ZFAND3: variants seen among roughly 807,000 people sequenced by gnomAD.
ZFAND3 encodes the protein zinc finger AN1-type containing 3.
In ZFAND3, 10 loss-of-function variants were observed where a neutral mutation model predicts 29.6. That is an observed-to-expected ratio of 0.34 (90% CI 0.21 to 0.57). The LOEUF (loss-of-function observed/expected upper bound fraction) is 0.57, where lower values mean the gene tolerates loss of function less well. Ranked by LOEUF, ZFAND3 falls within the 20% of genes least tolerant of loss-of-function variation. ZFAND3 has a pLI of 0.86. For missense variants in ZFAND3, 230 were observed against 304.5 expected (o/e 0.76, Z 1.82); for synonymous variants, 128 against 112.6 (o/e 1.14, Z -0.87).
At chr6:37,853,224 T>C (rs1423864849) in intron 1 of ZFAND3, among the ~76,000 whole-genome samples, 2 of 151,868 alleles carry the variant, frequency 1.3e-5, no homozygotes, top group Admixed American at 6.6e-5. Flanking sequence ...TCAGTGACAC[T>C]GGTAGGATGG....
intron 2 of ZFAND3, among the ~76,000 whole-genome samples, chr6:37,982,645 A>G (rs919208764): frequency 2.0e-5 from 3 of 152,226 alleles, no homozygotes; most frequent in Non-Finnish European, 2.9e-5. Flanking sequence ...TAGCCAGTAC[A>G]ATTATGTACA....
chr6:38,030,078 A>G lies in ZFAND3; in HGVS notation c.113-31515A>G, dbSNP rs1410646057. Among the ~76,000 whole-genome samples, 4 of 53,158 alleles carry G rather than the reference A, an allele frequency of 7.5e-5. No homozygotes were observed. The South Asian group carries it at 1.8e-3, about 24-fold the overall frequency. 34.9% of individuals were successfully genotyped at this position (53,158 alleles called of 152,430 possible). A position where few individuals can be genotyped will look rare whatever the true frequency, so the allele number is the denominator to read the frequency against. On this transcript the variant is annotated intron_variant, in intron 2 of 5. Coordinates refer to ENST00000287218, the MANE Select transcript of ZFAND3 (RefSeq NM_021943.3). ...TATATATATATATATATATATATATATATATATATATATATATATATATAG... is the reference window on the plus strand; with the variant it reads ...TATATATATATATATATATATATATGTATATATATATATATATATATATAG...
In ZFAND3 at chr6:38,110,165, A is replaced by G. The variant is rs565157137; in HGVS notation, c.362-6407A>G. On this transcript the variant is annotated intron_variant, in intron 4 of 5. Transcript: ENST00000287218. ...AATGAAGATGATGGCATTCTCCACAAAATTTTAATAATCAGCCTCTTGAAC... is the reference window on the plus strand; with the variant it reads ...AATGAAGATGATGGCATTCTCCACAGAATTTTAATAATCAGCCTCTTGAAC... Among the ~76,000 whole-genome samples the G allele has an allele frequency of 2.6e-5, 4 of 152,324 alleles. 1 individual carries two copies. Among genetic ancestry groups the G allele is most frequent in the South Asian group, 2.1e-4 (1 of 4,824 alleles).
At chr6:37,929,919 T>G in intron 1 of ZFAND3, 40 bp from the exon 2 acceptor site, 1 of 1,569,310 alleles carries the variant, frequency 6.4e-7, no homozygotes, top group Non-Finnish European at 8.6e-7. Context: ...ATATGGAGTT[T>G]TTAGCTCTTC....
chr6:37,898,327 G>GT (rs1765257663), intron 1 of ZFAND3, among the ~76,000 whole-genome samples: 1 of 152,076 alleles, frequency 6.6e-6, no homozygotes, highest in Non-Finnish European at 1.5e-5. Context: ...ATGCAGGTCT[G>GT]TTTCTGGACT....
At chr6:38,109,097 A>G (rs73421825) in intron 4 of ZFAND3, among the ~76,000 whole-genome samples, 10,360 of 152,148 alleles carry the variant, frequency 0.068, 423 homozygotes, top group Non-Finnish European at 0.087. Flanking sequence ...GCAAACAAAA[A>G]AAAATGGAAG....
intron 3 of ZFAND3, among the ~76,000 whole-genome samples, chr6:38,080,266 T>C (rs930711929): frequency 4.0e-5 from 6 of 151,770 alleles, no homozygotes; most frequent in African/African-American, 1.5e-4. Flanking sequence ...GTAACAAACC[T>C]GCACATTCTG....
At chr6:37,950,229 T>G (rs1761972597) in intron 2 of ZFAND3, among the ~76,000 whole-genome samples, 1 of 146,660 alleles carries the variant, frequency 6.8e-6, no homozygotes, top group Non-Finnish European at 1.5e-5. Flanking sequence ...TTTTCATAGT[T>G]TTAGGTTTTA....
At chr6:38,026,421 A>ATTTTTTTTTTT (rs10715149) in intron 2 of ZFAND3, among the ~76,000 whole-genome samples, 2 of 74,834 alleles carry the variant, frequency 2.7e-5, no homozygotes, top group African/African-American at 1.1e-4. Flanking sequence ...TTACTTTAGG[A>ATTTTTTTTTTT]TTTTTTTTTT....
At chr6:37,899,652 C>T (rs935418354) in intron 1 of ZFAND3, among the ~76,000 whole-genome samples, 4 of 152,104 alleles carry the variant, frequency 2.6e-5, no homozygotes, top group South Asian at 2.1e-4. Flanking sequence ...ATGTTTTAGA[C>T]GTTAGAGATG....
intron 5 of ZFAND3, among the ~76,000 whole-genome samples, chr6:38,119,438 G>A (rs534349531): frequency 6.0e-4 from 91 of 152,110 alleles, no homozygotes; most frequent in Non-Finnish European, 1.2e-3. Context: ...ATATATATTC[G>A]CAATCTTTTC....
chr6:38,121,733 G>A (rs1375821306), intron 5 of ZFAND3, among the ~76,000 whole-genome samples: 3 of 152,152 alleles, frequency 2.0e-5, no homozygotes, highest in African/African-American at 2.4e-5. Flanking sequence ...AGGGTTTTAT[G>A]GGAGGCACAG....
At chr6:37,845,297 A>C (rs1383570248) in intron 1 of ZFAND3, among the ~76,000 whole-genome samples, 1 of 152,132 alleles carries the variant, frequency 6.6e-6, no homozygotes, top group Non-Finnish European at 1.5e-5. Context: ...TAGGTGTTAT[A>C]ATGTGTTATA....
chr6:38,144,514 G>A (rs1308941903), intron 5 of ZFAND3, among the ~76,000 whole-genome samples: 2 of 152,160 alleles, frequency 1.3e-5, no homozygotes, highest in Non-Finnish European at 2.9e-5. Flanking sequence ...CCCAGCACAG[G>A]CTAGGGGGTG....
chr6:38,134,160 G>A (rs751598742), intron 5 of ZFAND3, among the ~76,000 whole-genome samples: 21 of 152,276 alleles, frequency 1.4e-4, no homozygotes, highest in Middle Eastern at 6.8e-3. Context: ...CGGGTCCACA[G>A]CATGGTCACC....
At chr6:38,026,161 T>C (rs1763443254) in intron 2 of ZFAND3, among the ~76,000 whole-genome samples, 1 of 152,216 alleles carries the variant, frequency 6.6e-6, no homozygotes, top group Non-Finnish European at 1.5e-5. Flanking sequence ...AACCTCTTAA[T>C]GTCTCTGTCC....
At chr6:37,978,383 CTG>C (rs750267987) in intron 2 of ZFAND3, among the ~76,000 whole-genome samples, 1 of 152,024 alleles carries the variant, frequency 6.6e-6, no homozygotes, top group Non-Finnish European at 1.5e-5. Context: ...GGATGTTGGT[CTG>C]TAGTTTTATC....
intron 5 of ZFAND3, among the ~76,000 whole-genome samples, chr6:38,132,231 G>T (rs148660424): frequency 2.6e-5 from 4 of 152,284 alleles, no homozygotes; most frequent in African/African-American, 7.2e-5. Context: ...GGTTCTGTGG[G>T]CTGGGTGCGG....
chr6:37,934,072 G>A (rs1214334200), intron 2 of ZFAND3, among the ~76,000 whole-genome samples: 3 of 151,702 alleles, frequency 2.0e-5, no homozygotes, highest in African/African-American at 7.3e-5. Flanking sequence ...GTTTTTAGTA[G>A]AGACAGAGTT....
Sources: allele counts gnomAD v4.1 joint callset (sites outside exome capture counted in the v4.1 genomes callset), GRCh38; gene constraint gnomAD v4.1.1; transcripts MANE v1.5; gene names NCBI Gene and HGNC (gene_info 2026-07-23, HGNC 2026-07-21).